TLCD3B: variants seen among roughly 807,000 people sequenced by gnomAD.
The protein encoded by TLCD3B is TLC domain containing 3B, also known as ceramide synthase.
Under a neutral mutation model 23.0 loss-of-function variants are expected in TLCD3B, and 9 were observed. The ratio of observed to expected loss-of-function variants is 0.39; its 90% CI spans 0.24 to 0.68. The LOEUF is 0.68. Among genes scored for constraint, TLCD3B ranks in the 30% least tolerant of loss-of-function variants. The pLI is 0.44. For missense variants in TLCD3B, 307 were observed against 371.8 expected, an observed-to-expected ratio of 0.83 and a Z score of 1.43; for synonymous variants, 161 against 161.0, an observed-to-expected ratio of 1.00 and a Z score of 0.00.
chr16:30,043,267 C>T (rs2071605559), intron 2 of TLCD3B, among the ~76,000 whole-genome samples: 1 of 151,928 alleles, frequency 6.6e-6, no homozygotes, highest in South Asian at 2.1e-4. Context: ...ATTTTGTCTC[C>T]CTTGATGAAG....
At chr16:30,027,505 CAG>C (rs1183400742) in intron 2 of TLCD3B, 2 of 448,324 alleles carry the variant, frequency 4.5e-6, no homozygotes, top group Non-Finnish European at 9.1e-6. Flanking sequence ...CGAGAGGCAT[CAG>C]AGACAGACCC....
rs1041320707 is a variant in TLCD3B, at chr16:30,029,149, G to T, written c.209+283C>A. ...TGGGGTGGAAGGCAGGGAGGAGGTG[G>T]GGAACCACGACAACACGGGAGACCT... On this transcript the variant is annotated intron_variant, in intron 2 of 4. Coordinates refer to ENST00000380495, the MANE Select transcript of TLCD3B (RefSeq NM_031478.6). This position sits in a 1 kb window ranked among gnomAD's most constrained non-coding sequence, Gnocchi z 4.6. Among the ~76,000 whole-genome samples the T allele has an allele frequency of 1.3e-5, 2 of 152,182 alleles. No individual in the cohort carries two copies. Among genetic ancestry groups the T allele is most frequent in the African/African-American group, 4.8e-5 (2 of 41,432 alleles).
rs2071703243 is a variant in TLCD3B at position 30,048,266 on chromosome 16, T to C, written c.-293-1879A>G. On this transcript the variant is annotated intron_variant, in intron 1 of 6. Transcript: ENST00000561666. ...AAATACACATGAAAATTAGAAAACA[T>C]GCATGTCTAATTTTTCTTTTTTTTT... is the stretch of plus-strand genomic sequence containing the variant. Among the ~76,000 whole-genome samples, 3 of 151,542 alleles carry C rather than the reference T, an allele frequency of 2.0e-5. No homozygotes were observed. The South Asian group carries it at 6.3e-4, about 32-fold the overall frequency.
upstream of TLCD3B, chr16:30,035,396 G>A: frequency 7.8e-7 from 1 of 1,289,628 alleles, no homozygotes; most frequent in Admixed American, 2.3e-5. Context: ...CTGCAGGTTG[G>A]TGTGGTTCTG....
At chr16:30,035,320 AG>A (rs2071446594), upstream of TLCD3B, 1 of 1,288,410 alleles carries the variant, frequency 7.8e-7, no homozygotes. Context: ...CCATGGCCCC[AG>A]GAAGGACACC....
rs1408337371 is a variant in TLCD3B, at chr16:30,030,516, C to T, written c.12G>A (p.Pro4=). The change falls in exon 1 of 5, where the codon CCG becomes CCA. Residue 4 remains proline, a synonymous_variant. Transcript: ENST00000380495. The part of the protein sequence containing the change: MLT[P]MVAGGVVFPG... ...GGAACACCACCCCCCCGGCCACCAT[C>T]GGGGTCAGCATGGTGGCTCAGGACT... is the stretch of plus-strand genomic sequence containing the variant. 9 of 1,587,566 alleles carry T rather than the reference C, an allele frequency of 5.7e-6. No homozygotes were observed. Among genetic ancestry groups the T allele is most frequent in the Middle Eastern group, 1.7e-4 (1 of 5,924 alleles).
In TLCD3B at chr16:30,030,715, G is replaced by C. The variant is rs1257176664; in HGVS notation, c.-188C>G. 8.5e-7 allele frequency: 1 copy of C among 1,175,126 alleles called. No homozygotes were observed. Among genetic ancestry groups the C allele is most frequent in the African/African-American group, 1.7e-5 (1 of 60,498 alleles). The allele number at this position is 1,175,126 out of a possible 1,614,324, so 72.8% of individuals were successfully genotyped here. A position where few individuals can be genotyped will look rare whatever the true frequency, so the allele number is the denominator to read the frequency against. The stretch of plus-strand genomic sequence containing the variant: ...GAGTCCGATGAAACTGGGGAGTCGG[G>C]AGGGGGCTGGCTGGGCAGAGACGGG... On this transcript the variant is annotated 5_prime_UTR_variant, in exon 1 of 5. Coordinates refer to ENST00000380495, the MANE Select transcript of TLCD3B (RefSeq NM_031478.6).
At position 30,024,567 on chromosome 16, in the gene TLCD3B, G is replaced by A. The variant is rs2071010131; in HGVS notation, c.*616C>T. The A allele has an allele frequency of 5.4e-6, 2 of 370,364 alleles. 1 individual carries two copies. The highest frequency in any genetic ancestry group is 1.1e-4 in the South Asian group (2 of 18,400). The allele number at this position is 370,364 out of a possible 1,614,324, so 22.9% of individuals were successfully genotyped here. A position where few individuals can be genotyped will look rare whatever the true frequency, so the allele number is the denominator to read the frequency against. On this transcript the variant is annotated 3_prime_UTR_variant, in exon 5 of 5. Transcript: ENST00000380495. ...CCGAGGGCGCGATGTGCAGCCGATG[G>A]TGAGGGACTGGGCGCCCTCGCCTGC... is the stretch of plus-strand genomic sequence containing the variant.
chr16:30,045,670 GTGT>G (rs2071660709), intron 2 of TLCD3B, among the ~76,000 whole-genome samples: 1 of 143,396 alleles, frequency 7.0e-6, no homozygotes, highest in Non-Finnish European at 1.5e-5. Flanking sequence ...TATGGTGTGT[GTGT>G]TGATGTGTTT....
intron 2 of TLCD3B, among the ~76,000 whole-genome samples, chr16:30,027,996 G>C (rs769772386): frequency 6.6e-6 from 1 of 152,224 alleles, no homozygotes; most frequent in Non-Finnish European, 1.5e-5. Context: ...CGGTACCAGG[G>C]AAAAGGGAAC....
intron 1 of TLCD3B, among the ~76,000 whole-genome samples, chr16:30,051,557 G>C (rs1330624094): frequency 2.7e-5 from 4 of 149,146 alleles, no homozygotes; most frequent in African/African-American, 9.9e-5. Context: ...AAAGAAAAAA[G>C]AAAGAAAGAA....
upstream of TLCD3B, chr16:30,035,545 C>T: frequency 7.9e-7 from 1 of 1,268,164 alleles, no homozygotes; most frequent in Non-Finnish European, 1.0e-6. Context: ...CCTCAGACCC[C>T]CCAGCAGCCT....
chr16:30,029,414 G>T lies in TLCD3B; in HGVS notation c.209+18C>A, dbSNP rs1178141134. ...CAACCACTGGCACCTGGGCAGGGGG[G>T]TGTCTCGCAGCACTTACTGGTCATC... On this transcript the variant is annotated intron_variant, in intron 2 of 4. Transcript: ENST00000380495. The surrounding 1 kb of genome is among the most constrained non-coding windows in gnomAD (Gnocchi z 4.6). 4 of 1,610,574 alleles carry T rather than the reference G, an allele frequency of 2.5e-6. No homozygotes were observed. The highest frequency in any genetic ancestry group is 3.4e-6 in the Non-Finnish European group (4 of 1,177,222).
Position 30,030,652 on chromosome 16 carries a change from G to T in TLCD3B, c.-125C>A. 8.2e-7 allele frequency: 1 copy of T among 1,212,236 alleles called. No homozygotes were observed. 75.1% of individuals were successfully genotyped at this position (1,212,236 alleles called of 1,614,324 possible). On this transcript the variant is annotated 5_prime_UTR_variant, in exon 1 of 5. Transcript: ENST00000380495. ...AGGAGGGAGAAAACGATGAGAAGGG[G>T]CACAAAGGGGCCAGGGCGGGGACGG...
At chr16:30,033,267 C>T (rs2071403773), upstream of TLCD3B, 1 of 152,014 alleles carries the variant, frequency 6.6e-6, no homozygotes, top group Admixed American at 6.6e-5. Context: ...ACAGAAAAAC[C>T]AAAAAACCAT....
intron 2 of TLCD3B, among the ~76,000 whole-genome samples, chr16:30,028,603 G>A (rs922532871): frequency 2.0e-5 from 3 of 152,144 alleles, no homozygotes; most frequent in African/African-American, 7.2e-5. Context: ...GCCCTTCCAG[G>A]AAGGGCCGCT....
rs767698590 is a variant in TLCD3B at position 30,024,743 on chromosome 16, C to T, written c.*440G>A. On this transcript the variant is annotated 3_prime_UTR_variant, in exon 5 of 5. Coordinates refer to ENST00000380495, the MANE Select transcript of TLCD3B (RefSeq NM_031478.6). ...GGAGAGGAGCCGTGGTTGCAGCCGG[C>T]CACTCGGGAGGCCCGAGGGCCAGCG... 3.3e-4 allele frequency: 63 copies of T among 190,352 alleles called. No individual in the cohort carries two copies. The highest frequency in any genetic ancestry group is 5.8e-4 in the Non-Finnish European group (55 of 94,372). The allele number at this position is 190,352 out of a possible 1,614,324, so 11.8% of individuals were successfully genotyped here.
chr16:30,026,666 C>T lies in TLCD3B; in HGVS notation c.387G>A (p.Glu129=). ...CGGCATGGTGGAGCACCATGAGGAA[C>T]TCCTTGTGCAGGTAGCCACGCGCTA... The part of the protein sequence containing the change: ...WAIARGYLHK[E]FLMVLHHAAM... The change falls in exon 3 of 5, where the codon GAG becomes GAA. Residue 129 remains glutamate, a synonymous_variant. Coordinates refer to ENST00000380495, the MANE Select transcript of TLCD3B (RefSeq NM_031478.6). 11 of 1,613,910 alleles carry T rather than the reference C, an allele frequency of 6.8e-6. No homozygotes were observed. Among genetic ancestry groups the T allele is most frequent in the Non-Finnish European group, 9.3e-6 (11 of 1,180,016 alleles).
At chr16:30,045,092 C>CAAAAAAAAAAAAAAAAAAAAAAAA (rs1162281544) in intron 2 of TLCD3B, among the ~76,000 whole-genome samples, 3 of 22,224 alleles carry the variant, frequency 1.3e-4, no homozygotes, top group Admixed American at 8.2e-4. Context: ...GACTCCATCT[C>CAAAAAAAAAAAAAAAAAAAAAAAA]AAAAAAAAAA....
Sources: gnomAD v4.1 joint callset for allele counts (sites outside exome capture counted in the v4.1 genomes callset) on GRCh38, gnomAD v4.1.1 for gene constraint, Gnocchi (gnomAD v3.1) non-coding constraint, MANE v1.5 for transcripts, NCBI Gene and HGNC (gene_info 2026-07-23, HGNC 2026-07-21) for gene names.